Variants in KCNIP1 observed in about 807,000 individuals in gnomAD.
KCNIP1 encodes A-type potassium channel modulatory protein KCNIP1.
A neutral mutation model predicts 33.0 loss-of-function variants in KCNIP1; 18 were observed. The ratio of observed to expected loss-of-function variants is 0.55; its 90% CI spans 0.38 to 0.81. The LOEUF (loss-of-function observed/expected upper bound fraction) is 0.81. Ranked by LOEUF, KCNIP1 falls within the 30% of genes least tolerant of loss-of-function variation. KCNIP1 has a pLI of 0.00. For synonymous variants in KCNIP1, 93 were observed against 98.3 expected, an observed-to-expected ratio of 0.95 and a Z score of 0.32; for missense variants, 238 against 271.6, an observed-to-expected ratio of 0.88 and a Z score of 0.87.
intron 1 of KCNIP1, among the ~76,000 whole-genome samples, chr5:170,370,093 A>T (rs926899278): frequency 6.6e-6 from 1 of 152,152 alleles, no homozygotes; most frequent in Non-Finnish European, 1.5e-5. Context: ...AAATGAAGCA[A>T]GAGGGGAGAG....
intron 1 of KCNIP1, among the ~76,000 whole-genome samples, chr5:170,431,645 C>T (rs1755743085): frequency 6.6e-6 from 1 of 152,208 alleles, no homozygotes; most frequent in South Asian, 2.1e-4. Context: ...GAGAGAAGGC[C>T]TCCTCATTTC....
At chr5:170,652,345 T>A (rs6889963) in intron 1 of KCNIP1, among the ~76,000 whole-genome samples, 4 of 151,502 alleles carry the variant, frequency 2.6e-5, no homozygotes, top group Middle Eastern at 3.2e-3. Context: ...GTTAGCCAAG[T>A]GTGATGACAC....
At chr5:170,608,756 G>A (rs1350871864) in intron 1 of KCNIP1, among the ~76,000 whole-genome samples, 1 of 108,884 alleles carries the variant, frequency 9.2e-6, no homozygotes, top group East Asian at 2.3e-4. Flanking sequence ...GGGTGAAACT[G>A]TCTCAAAAAA....
chr5:170,512,848 G>A (rs1053816565), intron 1 of KCNIP1, among the ~76,000 whole-genome samples: 3 of 152,136 alleles, frequency 2.0e-5, no homozygotes, highest in Non-Finnish European at 4.4e-5. Context: ...AGGAGATAGA[G>A]ACCATCCCGG....
At chr5:170,612,471 G>A (rs1759200859) in intron 1 of KCNIP1, among the ~76,000 whole-genome samples, 1 of 152,228 alleles carries the variant, frequency 6.6e-6, no homozygotes, top group South Asian at 2.1e-4. Context: ...GGAGGATCCA[G>A]AGCCTATGGC....
At chr5:170,723,398 C>T (rs1763898779) in intron 5 of KCNIP1, among the ~76,000 whole-genome samples, 1 of 151,932 alleles carries the variant, frequency 6.6e-6, no homozygotes, top group Non-Finnish European at 1.5e-5. Context: ...AGTGAAATAC[C>T]CTCAGGTCTA....
At chr5:170,380,865 TA>T (rs2113333314) in intron 1 of KCNIP1, among the ~76,000 whole-genome samples, 1 of 152,280 alleles carries the variant, frequency 6.6e-6, no homozygotes, top group East Asian at 1.9e-4. Context: ...CTGGGCCTTG[TA>T]AAATGGGTTT....
Position 170,429,510 on chromosome 5 carries a change from C to T in KCNIP1, c.88+75546C>T, listed in dbSNP as rs1277272174. On this transcript the variant is annotated intron_variant, in intron 1 of 7. Coordinates refer to the KCNIP1 transcript ENST00000377360. ...TTATGGGGGACATCTGCAGTTTTGT[C>T]ACATGCATAGATTTTGTAGTAGTGA... Among the ~76,000 whole-genome samples, 5 of 152,204 alleles carry T rather than the reference C, an allele frequency of 3.3e-5. No individual in the cohort carries two copies. In the East Asian group the frequency reaches 9.7e-4, roughly 29 times the overall value.
At chr5:170,730,508 G>A (rs1388291815) in intron 5 of KCNIP1, among the ~76,000 whole-genome samples, 1 of 152,070 alleles carries the variant, frequency 6.6e-6, no homozygotes, top group East Asian at 1.9e-4. Context: ...TCCTGAGAGA[G>A]CAACAAAATT....
At chr5:170,670,018 A>T (rs1761853475) in intron 1 of KCNIP1, among the ~76,000 whole-genome samples, 1 of 152,198 alleles carries the variant, frequency 6.6e-6, no homozygotes, top group Non-Finnish European at 1.5e-5. Context: ...TTGCCTGGGG[A>T]TCCAATTCAG....
chr5:170,615,399 C>G (rs1759327835), intron 1 of KCNIP1, among the ~76,000 whole-genome samples: 3 of 152,202 alleles, frequency 2.0e-5, no homozygotes, highest in Admixed American at 2.0e-4. Context: ...GGAACGCAGA[C>G]TGACAAGCCT....
intron 5 of KCNIP1, among the ~76,000 whole-genome samples, chr5:170,731,551 C>T (rs1053201323): frequency 1.3e-5 from 2 of 151,804 alleles, no homozygotes; most frequent in Admixed American, 6.6e-5. Flanking sequence ...AAAAATTAGC[C>T]AGGTGTGGTG....
At chr5:170,359,716 G>A (rs898984861) in intron 1 of KCNIP1, among the ~76,000 whole-genome samples, 2 of 152,186 alleles carry the variant, frequency 1.3e-5, no homozygotes, top group Admixed American at 1.3e-4. Context: ...CTGATGTCCA[G>A]TAGCCTTCAT....
chr5:170,645,262 G>T (rs1054538814), intron 1 of KCNIP1, among the ~76,000 whole-genome samples: 1 of 152,132 alleles, frequency 6.6e-6, no homozygotes, highest in Non-Finnish European at 1.5e-5. Context: ...GGGGAACAGG[G>T]TTTAAATTGG....
chr5:170,522,850 A>T (rs1444890225), intron 1 of KCNIP1, among the ~76,000 whole-genome samples: 1 of 152,238 alleles, frequency 6.6e-6, no homozygotes, highest in East Asian at 1.9e-4. Context: ...TCCAATGCTT[A>T]GAGTTTTCCC....
intron 1 of KCNIP1, among the ~76,000 whole-genome samples, chr5:170,642,764 T>G (rs985603066): frequency 2.0e-5 from 3 of 152,210 alleles, no homozygotes; most frequent in African/African-American, 4.8e-5. Flanking sequence ...AGAGTTGAAT[T>G]CCAGTGCTGT....
intron 1 of KCNIP1, among the ~76,000 whole-genome samples, chr5:170,410,695 G>A (rs1274782815): frequency 6.6e-6 from 1 of 152,148 alleles, no homozygotes; most frequent in Non-Finnish European, 1.5e-5. Context: ...AATGTGCTCT[G>A]GTTTGGGAGG....
Position 170,504,309 on chromosome 5 carries a change from G to T in KCNIP1, c.-264G>T. Reference sequence around the variant, plus strand: ...GTCCTCGGCCCTGGGCGAGGGAACCGCCGGGCCGGGTCCTCGCGCGGGGAA... The same window carrying T: ...GTCCTCGGCCCTGGGCGAGGGAACCTCCGGGCCGGGTCCTCGCGCGGGGAA... On this transcript the variant is annotated 5_prime_UTR_variant, in exon 1 of 8. Transcript: ENST00000328939. This position sits in a 1 kb window ranked among gnomAD's most constrained non-coding sequence, Gnocchi z 6.0. The T allele has an allele frequency of 7.4e-7, 1 of 1,349,576 alleles. No individual in the cohort carries two copies. The highest frequency in any genetic ancestry group is 9.5e-7 in the Non-Finnish European group (1 of 1,054,164). The allele number at this position is 1,349,576 out of a possible 1,614,324, so 83.6% of individuals were successfully genotyped here. A position where few individuals can be genotyped will look rare whatever the true frequency, so the allele number is the denominator to read the frequency against.
At chr5:170,493,470 C>T (rs1433774015) in intron 1 of KCNIP1, among the ~76,000 whole-genome samples, 4 of 152,168 alleles carry the variant, frequency 2.6e-5, no homozygotes, top group Admixed American at 2.0e-4. Context: ...GACTCAGTCG[C>T]TCATTTCAAT....
Sources: gnomAD v4.1 joint callset for allele counts (sites outside exome capture counted in the v4.1 genomes callset) on GRCh38, gnomAD v4.1.1 for gene constraint, Gnocchi (gnomAD v3.1) non-coding constraint, MANE v1.5 for transcripts, NCBI Gene and HGNC (gene_info 2026-07-23, HGNC 2026-07-21) for gene names.